Variants in JAZF1 observed in about 807,000 individuals in gnomAD.
JAZF1 encodes JAZF zinc finger 1.
In JAZF1, 8 loss-of-function variants were observed where a neutral mutation model predicts 26.4. The observed-to-expected ratio is 0.30, with a 90% CI of 0.18 to 0.55. The LOEUF is 0.55. JAZF1 is among the 20% of genes least tolerant of loss of function. The pLI, the probability that JAZF1 is intolerant of heterozygous loss-of-function variation, is 0.94. For missense variants in JAZF1, 199 were observed against 322.0 expected (o/e 0.62, Z 2.92); for synonymous variants, 126 against 122.3 (o/e 1.03, Z -0.20).
chr7:27,959,638 G>A (rs918989101), intron 2 of JAZF1, among the ~76,000 whole-genome samples: 1 of 152,182 alleles, frequency 6.6e-6, no homozygotes, highest in Non-Finnish European at 1.5e-5. Context: ...AGTGGCTCAT[G>A]CCTGTAATCC....
intron 2 of JAZF1, among the ~76,000 whole-genome samples, chr7:27,983,180 C>T (rs972244770): frequency 6.6e-6 from 1 of 152,076 alleles, no homozygotes; most frequent in African/African-American, 2.4e-5. Context: ...GAACCCATGG[C>T]AAAGAAGCTA....
At chr7:28,176,199 T>C (rs1164976960) in intron 1 of JAZF1, among the ~76,000 whole-genome samples, 2 of 152,256 alleles carry the variant, frequency 1.3e-5, no homozygotes, top group Non-Finnish European at 2.9e-5. Flanking sequence ...AATGAGACTC[T>C]GCCCCTTAAC....
At chr7:28,032,222 T>C (rs6975894) in intron 1 of JAZF1, among the ~76,000 whole-genome samples, 2,733 of 152,326 alleles carry the variant, frequency 0.018, 76 homozygotes, top group African/African-American at 0.06. Context: ...CCTTCTCTCT[T>C]CTTTAACCTG....
chr7:27,858,717 A>G (rs551515322), intron 3 of JAZF1, among the ~76,000 whole-genome samples: 51 of 152,360 alleles, frequency 3.3e-4, no homozygotes, highest in South Asian at 1.2e-3. Context: ...TACACCTTAT[A>G]CAAAAATTAA....
chr7:27,998,866 G>C (rs1786075707), intron 1 of JAZF1, among the ~76,000 whole-genome samples: 1 of 152,218 alleles, frequency 6.6e-6, no homozygotes, highest in Admixed American at 6.5e-5. Flanking sequence ...ATTCCTGGCA[G>C]ACCAGAGGGT....
chr7:28,035,455 TAA>T (rs1165968573), intron 1 of JAZF1, among the ~76,000 whole-genome samples: 5 of 150,160 alleles, frequency 3.3e-5, no homozygotes, highest in Admixed American at 6.6e-5. Context: ...TTAAGAAATC[TAA>T]AGAGATAGAG....
intron 1 of JAZF1, among the ~76,000 whole-genome samples, chr7:28,141,626 C>T (rs12113123): frequency 0.039 from 5,917 of 152,110 alleles, 344 homozygotes; most frequent in African/African-American, 0.13. Context: ...AAAAGAAATC[C>T]TGGTTTTTAG....
At chr7:27,859,707 C>A (rs149504064) in intron 3 of JAZF1, among the ~76,000 whole-genome samples, 1 of 146,292 alleles carries the variant, frequency 6.8e-6, no homozygotes, top group African/African-American at 2.5e-5. Context: ...CATCACACAC[C>A]GGGGCCTGTT....
chr7:28,136,388 T>C (rs562329273), intron 1 of JAZF1, among the ~76,000 whole-genome samples: 1 of 152,194 alleles, frequency 6.6e-6, no homozygotes, highest in Non-Finnish European at 1.5e-5. Flanking sequence ...ATTTCATAAA[T>C]GGAAAATTCA....
At chr7:28,000,895 A>C (rs1786142218) in intron 1 of JAZF1, among the ~76,000 whole-genome samples, 1 of 152,028 alleles carries the variant, frequency 6.6e-6, no homozygotes, top group African/African-American at 2.4e-5. Context: ...CTGGAATTAC[A>C]GGCATGAGCC....
chr7:27,941,412 C>T (rs1784846358), intron 2 of JAZF1, among the ~76,000 whole-genome samples: 1 of 152,166 alleles, frequency 6.6e-6, no homozygotes. Flanking sequence ...AATCTTTATT[C>T]AGCCTTAATG....
chr7:28,152,923 T>A (rs1783131682), intron 1 of JAZF1, among the ~76,000 whole-genome samples: 2 of 152,236 alleles, frequency 1.3e-5, no homozygotes, highest in Non-Finnish European at 2.9e-5. Flanking sequence ...TTTTCATAAC[T>A]ATTATGATTA....
intron 2 of JAZF1, among the ~76,000 whole-genome samples, chr7:27,976,548 T>C (rs564433082): frequency 6.6e-6 from 1 of 152,226 alleles, no homozygotes; most frequent in African/African-American, 2.4e-5. Context: ...ACATGTTTAT[T>C]ATGGCATGTA....
At chr7:27,845,159 T>G (rs1782995036) in intron 3 of JAZF1, among the ~76,000 whole-genome samples, 1 of 152,132 alleles carries the variant, frequency 6.6e-6, no homozygotes, top group Non-Finnish European at 1.5e-5. Context: ...AAAAAACAAC[T>G]ATGTGTATAT....
In JAZF1 at chr7:27,898,698, G is replaced by T. The variant is rs554794763; in HGVS notation, c.189-3282C>A. 4.6e-5 allele frequency among the ~76,000 whole-genome samples: 7 copies of T among 152,178 alleles called. No homozygotes were observed. The East Asian group carries it at 1.2e-3, about 25-fold the overall frequency. On this transcript the variant is annotated intron_variant, in intron 2 of 4. Coordinates refer to ENST00000283928, the MANE Select transcript of JAZF1 (RefSeq NM_175061.4). ...CCCACCTTCACCCTCACATGGGTTT[G>T]GCCAGCTACAGACAGCAATCTGGAT... is the stretch of plus-strand genomic sequence containing the variant.
chr7:27,870,337 G>A (rs545922492), intron 3 of JAZF1, among the ~76,000 whole-genome samples: 2 of 152,010 alleles, frequency 1.3e-5, no homozygotes, highest in South Asian at 2.1e-4. Context: ...CCCTGGCTCC[G>A]GCTCTGCTAC....
chr7:27,846,583 C>T (rs1472864029), intron 3 of JAZF1: 2 of 470,424 alleles, frequency 4.3e-6, no homozygotes, highest in Admixed American at 4.7e-5. Flanking sequence ...ATTGTTGGGT[C>T]ATATGGTTAG....
intron 1 of JAZF1, among the ~76,000 whole-genome samples, chr7:28,161,955 T>C (rs1041600235): frequency 3.3e-5 from 5 of 152,084 alleles, no homozygotes; most frequent in Non-Finnish European, 7.4e-5. Context: ...TCCGAGAGGG[T>C]CAAATGAGAA....
At position 27,831,846 on chromosome 7, in the gene JAZF1, A is replaced by G. The variant is rs1326703180; in HGVS notation, c.*954T>C. ...GTGGTTGCAAGAATTGGCAACACATAAACATTAAATTGTTGGCAATAGAGA... is the reference window on the plus strand; with the variant it reads ...GTGGTTGCAAGAATTGGCAACACATGAACATTAAATTGTTGGCAATAGAGA... On this transcript the variant is annotated 3_prime_UTR_variant, in exon 5 of 5. Transcript: ENST00000283928. 1 of 219,990 alleles carries G rather than the reference A, an allele frequency of 4.5e-6. No individual in the cohort carries two copies. Among genetic ancestry groups the G allele is most frequent in the African/African-American group, 2.2e-5 (1 of 44,584 alleles). The allele number at this position is 219,990 out of a possible 1,614,324, so 13.6% of individuals were successfully genotyped here. A position where few individuals can be genotyped will look rare whatever the true frequency, so the allele number is the denominator to read the frequency against.
Sources: gnomAD v4.1 joint callset for allele counts (sites outside exome capture counted in the v4.1 genomes callset) on GRCh38, gnomAD v4.1.1 for gene constraint, MANE v1.5 for transcripts, NCBI Gene and HGNC (gene_info 2026-07-23, HGNC 2026-07-21) for gene names.